The following DNAH9 variants were observed in gnomAD, a reference collection of about 807,000 sequenced individuals.
The protein encoded by DNAH9 is DNAH9 variant protein.
A neutral mutation model predicts 471.6 loss-of-function variants in DNAH9; 345 were observed. That is an observed-to-expected ratio of 0.73 (90% confidence interval 0.67 to 0.80). The LOEUF (loss-of-function observed/expected upper bound fraction) is 0.80, where lower values mean the gene tolerates loss of function less well. Ranked by LOEUF, DNAH9 falls within the 30% of genes least tolerant of loss-of-function variation. DNAH9 has a pLI of 0.00. For synonymous variants in DNAH9, 2,093 were observed against 2,123.6 expected (o/e 0.99, Z 0.40); for missense variants, 5,407 against 5,609.2 (o/e 0.96, Z 1.15).
chr17:11,947,005 C>T (rs565062719), intron 67 of DNAH9, among the ~76,000 whole-genome samples: 1 of 152,276 alleles, frequency 6.6e-6, no homozygotes, highest in Admixed American at 6.5e-5. Flanking sequence ...TAATGTCTAC[C>T]TAAAAAGTAT....
chr17:11,821,803 T>C (rs1367313177), intron 45 of DNAH9, 117 bp from the exon 46 acceptor site: 32 of 1,128,160 alleles, frequency 2.8e-5, no homozygotes, highest in Non-Finnish European at 3.9e-5. Flanking sequence ...AGCAAGAGAG[T>C]TGGTACATGG....
chr17:11,658,940 A>C (rs954354135), intron 14 of DNAH9, among the ~76,000 whole-genome samples: 2 of 152,176 alleles, frequency 1.3e-5, no homozygotes, highest in Non-Finnish European at 2.9e-5. Flanking sequence ...AATGACATTT[A>C]TCTTCTACTT....
intron 24 of DNAH9, among the ~76,000 whole-genome samples, chr17:11,702,129 A>G (rs989299474): frequency 3.3e-5 from 5 of 152,220 alleles, no homozygotes; most frequent in Admixed American, 6.5e-5. Flanking sequence ...GCAAAGAGCA[A>G]CCAAGTAGGA....
At chr17:11,731,289 TACCATC>T (rs2075264377) in intron 28 of DNAH9, among the ~76,000 whole-genome samples, 1 of 151,674 alleles carries the variant, frequency 6.6e-6, no homozygotes, top group Non-Finnish European at 1.5e-5. Flanking sequence ...TGAGGATGAT[TACCATC>T]ATTATTATCT....
chr17:11,778,137 G>A (rs770498138), intron 38 of DNAH9, among the ~76,000 whole-genome samples: 2 of 151,686 alleles, frequency 1.3e-5, no homozygotes, highest in African/African-American at 2.4e-5. Context: ...CTGGCATTTG[G>A]AAGAAGAGGA....
chr17:11,861,742 T>C (rs1971856608), intron 50 of DNAH9, among the ~76,000 whole-genome samples: 1 of 152,216 alleles, frequency 6.6e-6, no homozygotes, highest in Non-Finnish European at 1.5e-5. Context: ...TGATATCTCA[T>C]TGTGGTTTTG....
Position 11,598,526 on chromosome 17 carries a change from C to T in DNAH9, c.28C>T (p.Leu10Phe), listed in dbSNP as rs1262152472. ...GCGGCTCGCGGAGGAGCGGGCCGCG[C>T]TCGCGGCGGAGAACGCGGATGGGGA... MRLAEERAA[L>F]AAENADGEPG... The change falls in exon 1 of 69, where the codon CTC (leucine) becomes TTC (phenylalanine). Residue 10 changes from leucine to phenylalanine, a missense_variant. By Grantham distance (22) the Leu-to-Phe change is conservative. This residue lies in a region of DNAH9 where 767 missense variants were observed against 692.5 expected (regional missense o/e 1.11). Coordinates refer to ENST00000262442, the MANE Select transcript of DNAH9 (RefSeq NM_001372.4). The T allele has an allele frequency of 3.3e-5, 45 of 1,345,398 alleles. No individual in the cohort carries two copies. In the South Asian group the frequency reaches 7.0e-4, roughly 21 times the overall value. 83.3% of individuals were successfully genotyped at this position (1,345,398 alleles called of 1,614,324 possible). A position where few individuals can be genotyped will look rare whatever the true frequency, so the allele number is the denominator to read the frequency against.
intron 8 of DNAH9, among the ~76,000 whole-genome samples, chr17:11,635,249 C>G (rs1237947590): frequency 1.3e-5 from 2 of 151,844 alleles, no homozygotes; most frequent in African/African-American, 4.8e-5. Context: ...TCACTGCAAC[C>G]TATGCCTTCT....
intron 26 of DNAH9, among the ~76,000 whole-genome samples, chr17:11,713,799 ATTTTCTTGG>A (rs1354025128): frequency 6.6e-6 from 1 of 152,026 alleles, no homozygotes; most frequent in East Asian, 1.9e-4. Context: ...TTTACTCTTG[ATTTTCTTGG>A]GTTTTCTAAA....
chr17:11,738,773 C>T (rs1567762914), intron 28 of DNAH9, 107 bp from the exon 29 acceptor site: 2 of 952,020 alleles, frequency 2.1e-6, no homozygotes, highest in East Asian at 2.4e-5. Flanking sequence ...AAAGGGTCCA[C>T]AGGACAGTTC....
intron 29 of DNAH9, among the ~76,000 whole-genome samples, chr17:11,741,744 G>C (rs2075436029): frequency 6.6e-6 from 1 of 152,164 alleles, no homozygotes; most frequent in Non-Finnish European, 1.5e-5. Flanking sequence ...ATGAAGAATA[G>C]GGGAACTCTC....
At chr17:11,944,360 T>G (rs1975043619) in intron 67 of DNAH9, among the ~76,000 whole-genome samples, 1 of 152,082 alleles carries the variant, frequency 6.6e-6, no homozygotes, top group Non-Finnish European at 1.5e-5. Flanking sequence ...GTATTGTGTG[T>G]GGGATAAGGA....
chr17:11,700,286 G>T (rs558957731), intron 23 of DNAH9, among the ~76,000 whole-genome samples: 42 of 152,212 alleles, frequency 2.8e-4, no homozygotes, highest in African/African-American at 9.6e-4. Context: ...ATGTCCTTTT[G>T]TGGAACCAGC....
chr17:11,748,188 G>A (rs1041624550), intron 32 of DNAH9, among the ~76,000 whole-genome samples: 15 of 150,510 alleles, frequency 1.0e-4, no homozygotes, highest in Non-Finnish European at 2.1e-4. Context: ...TCAGCTGGGC[G>A]TGGTGGTGCA....
chr17:11,664,382 G>T (rs896387065), intron 14 of DNAH9, among the ~76,000 whole-genome samples: 4 of 152,266 alleles, frequency 2.6e-5, no homozygotes, highest in East Asian at 1.9e-4. Context: ...AAACATTTCA[G>T]CTCATTTCTA....
chr17:11,661,504 G>A (rs765770835), intron 14 of DNAH9, among the ~76,000 whole-genome samples: 2 of 151,906 alleles, frequency 1.3e-5, no homozygotes, highest in African/African-American at 2.4e-5. Flanking sequence ...TTGTTCCTCT[G>A]CTCTTCCATT....
intron 22 of DNAH9, among the ~76,000 whole-genome samples, chr17:11,697,428 C>T (rs1272940021): frequency 1.3e-5 from 2 of 152,082 alleles, no homozygotes; most frequent in African/African-American, 4.8e-5. Context: ...TCTAGATAGC[C>T]TAATTTCTTT....
In DNAH9 at chr17:11,825,638, C is replaced by T. The variant is rs79209169; in HGVS notation, c.9246+2604C>T. ...CTAGCTGCACATAGTGGAGAATCCT[C>T]CCAAGTCCTGATCTTGCCAGGAGCC... On this transcript the variant is annotated intron_variant, in intron 48 of 68. Coordinates refer to ENST00000262442, the MANE Select transcript of DNAH9 (RefSeq NM_001372.4). Among the ~76,000 whole-genome samples, 820 of 152,276 alleles carry T rather than the reference C, an allele frequency of 5.4e-3. 9 individuals carry two copies. The highest frequency in any genetic ancestry group is 0.019 in the African/African-American group (778 of 41,544).
At position 11,937,542 on chromosome 17, in the gene DNAH9, C is replaced by A. The variant is rs759362333; in HGVS notation, c.12660+20C>A. ...GAAAAGGTGTGTGTGGTGGGGACTG[C>A]CTGAGGTCGTTCTGGGGGACCCCGA... On this transcript the variant is annotated intron_variant, in intron 66 of 68. Transcript: ENST00000262442. This position sits in a 1 kb window ranked among gnomAD's most constrained non-coding sequence, Gnocchi z 4.1. 1 of 1,587,628 alleles carries A rather than the reference C, an allele frequency of 6.3e-7. No homozygotes were observed. The highest frequency in any genetic ancestry group is 2.2e-5 in the East Asian group (1 of 44,488).
Sources: allele counts gnomAD v4.1 joint callset (sites outside exome capture counted in the v4.1 genomes callset), GRCh38; gene constraint gnomAD v4.1.1; regional missense constraint gnomAD v4.1.1; non-coding constraint Gnocchi (gnomAD v3.1); transcripts MANE v1.5; gene names NCBI Gene and HGNC (gene_info 2026-07-23, HGNC 2026-07-21).